Variants in LAMP5 observed in about 807,000 individuals in gnomAD.
LAMP5 encodes the protein lysosome associated membrane protein 5, also known as lysosome-associated membrane glycoprotein 5.
LAMP5 carries 36 observed loss-of-function variants against 30.2 expected under a neutral mutation model. The observed-to-expected ratio is 1.19, with a 90% CI of 0.91 to 1.57. The LOEUF (loss-of-function observed/expected upper bound fraction) is 1.57, where lower values mean the gene tolerates loss of function less well. Ranked by LOEUF, LAMP5 falls within the 40% of genes most tolerant of loss-of-function variation. The pLI, the probability that LAMP5 is intolerant of heterozygous loss-of-function variation, is 0.00. For synonymous variants in LAMP5, 149 were observed against 134.6 expected, an observed-to-expected ratio of 1.11 and a Z score of -0.74; for missense variants, 377 against 354.9, an observed-to-expected ratio of 1.06 and a Z score of -0.50.
chr20:9,521,923 C>G (rs993176770), intron 5 of LAMP5, among the ~76,000 whole-genome samples: 1 of 152,150 alleles, frequency 6.6e-6, no homozygotes, highest in African/African-American at 2.4e-5. Flanking sequence ...AGATTGGTCC[C>G]TTTTTAATTC....
In LAMP5 at chr20:9,514,779, CG is replaced by C; in HGVS notation, c.-72del. ...TCTCGCTCACCCCGGCCCACTCCAG[CG>C]GCGACTTTGAGGGATTCCCTCTCTG... On this transcript the variant is annotated 5_prime_UTR_variant, in exon 1 of 6. Transcript: ENST00000246070. 2 of 1,425,474 alleles carry C rather than the reference CG, an allele frequency of 1.4e-6. No individual in the cohort carries two copies. The highest frequency in any genetic ancestry group is 4.6e-5 in the East Asian group (2 of 43,116). The allele number at this position is 1,425,474 out of a possible 1,614,324, so 88.3% of individuals were successfully genotyped here.
Position 9,518,247 on chromosome 20 carries a change from G to A in LAMP5, c.664+19G>A, listed in dbSNP as rs1203738709. 1 of 1,611,200 alleles carries A rather than the reference G, an allele frequency of 6.2e-7. No homozygotes were observed. The highest frequency in any genetic ancestry group is 2.2e-5 in the East Asian group (1 of 44,840). On this transcript the variant is annotated intron_variant, in intron 5 of 5. Coordinates refer to ENST00000246070, the MANE Select transcript of LAMP5 (RefSeq NM_012261.4). ...AGTGAAGGTAAGTTGTTGGGGGATG[G>A]AGGGGAAGAAGACCTAGTTTATTTC...
In LAMP5 at chr20:9,530,461, A is replaced by T. The variant is rs1207936299; in HGVS notation, c.*641A>T. On this transcript the variant is annotated 3_prime_UTR_variant, in exon 6 of 6. Transcript: ENST00000246070. ...TCCTGTGCCAGGTCCAAGTCGGGGG[A>T]CCTGAAGAATCAATCTGTGTGAGTC... is the stretch of plus-strand genomic sequence containing the variant. The T allele has an allele frequency of 6.6e-6, 1 of 152,646 alleles. No homozygotes were observed. The highest frequency in any genetic ancestry group is 1.5e-5 in the Non-Finnish European group (1 of 68,040). The allele number at this position is 152,646 out of a possible 1,614,324, so 9.5% of individuals were successfully genotyped here. A position where few individuals can be genotyped will look rare whatever the true frequency, so the allele number is the denominator to read the frequency against.
In LAMP5 at chr20:9,515,623, G is replaced by C. The variant is rs1171815695; in HGVS notation, c.235G>C (p.Asp79His). The C allele has an allele frequency of 6.2e-7, 1 of 1,610,088 alleles. No homozygotes were observed. Among genetic ancestry groups the C allele is most frequent in the Non-Finnish European group, 8.5e-7 (1 of 1,178,974 alleles). ...TGATGTGTGGGCCAGCAACTACGTA[G>C]ATGTAAGGAATCTTTCCCCCCCCTC... The part of the protein sequence containing the change: ...PYDVWASNYV[D>H]LITEQADIAL... The change falls in exon 2 of 6, where the codon GAT (aspartate) becomes CAT (histidine). Residue 79 changes from aspartate to histidine, a missense_variant and splice_region_variant. Coordinates refer to ENST00000246070, the MANE Select transcript of LAMP5 (RefSeq NM_012261.4).
At chr20:9,525,874 A>G (rs1260570407) in intron 5 of LAMP5, among the ~76,000 whole-genome samples, 2 of 152,178 alleles carry the variant, frequency 1.3e-5, no homozygotes, top group African/African-American at 4.8e-5. Flanking sequence ...GCTCCCAGAC[A>G]CAGCTCTTTC....
chr20:9,525,822 C>A (rs977846265), intron 5 of LAMP5, among the ~76,000 whole-genome samples: 3 of 152,180 alleles, frequency 2.0e-5, no homozygotes, highest in African/African-American at 7.2e-5. Flanking sequence ...CACAGAACAC[C>A]ACCTGTCCAT....
intron 5 of LAMP5, among the ~76,000 whole-genome samples, chr20:9,527,749 CTGTT>C (rs768510113): frequency 6.6e-5 from 10 of 152,180 alleles, no homozygotes; most frequent in Middle Eastern, 3.2e-3. Flanking sequence ...GCCTGACAAA[CTGTT>C]TGACCACTAG....
At chr20:9,519,920 T>C (rs1434715865) in intron 5 of LAMP5, among the ~76,000 whole-genome samples, 1 of 152,242 alleles carries the variant, frequency 6.6e-6, no homozygotes, top group Non-Finnish European at 1.5e-5. Context: ...GCCTATGGCC[T>C]GAGAAATCAA....
chr20:9,515,760 T>A, intron 2 of LAMP5, 135 bp downstream of exon 2: 1 of 1,055,288 alleles, frequency 9.5e-7, no homozygotes, highest in Middle Eastern at 3.1e-4. Flanking sequence ...GAATGCTGCA[T>A]GGGGATTCCA....
At chr20:9,520,138 T>C (rs1292934163) in intron 5 of LAMP5, among the ~76,000 whole-genome samples, 1 of 152,228 alleles carries the variant, frequency 6.6e-6, no homozygotes, top group Admixed American at 6.5e-5. Flanking sequence ...TATAACTTCC[T>C]AAATGCAAAT....
rs2232265 is a variant in LAMP5, at chr20:9,516,188, G to A, written c.369+57G>A. The A allele has an allele frequency of 8.5e-4, 1,369 of 1,604,480 alleles. 10 individuals carry two copies. In the Middle Eastern group the frequency reaches 0.015, roughly 18 times the overall value. ...CAGGCTCCGCGTGGGTGTGGGAAGT[G>A]GCGGCCCCTAGGTTTAAGAACCCAG... On this transcript the variant is annotated intron_variant, in intron 3 of 5. Coordinates refer to ENST00000246070, the MANE Select transcript of LAMP5 (RefSeq NM_012261.4).
At chr20:9,520,482 CT>C (rs377025970) in intron 5 of LAMP5, among the ~76,000 whole-genome samples, 13 of 152,214 alleles carry the variant, frequency 8.5e-5, no homozygotes, top group African/African-American at 2.9e-4. Flanking sequence ...GCTCAGGGGC[CT>C]TTCGGTGTGT....
In LAMP5 at chr20:9,515,626, G is replaced by T; in HGVS notation, c.237+1G>T. The T allele has an allele frequency of 4.4e-6, 7 of 1,608,694 alleles. No homozygotes were observed. The highest frequency in any genetic ancestry group is 5.9e-6 in the Non-Finnish European group (7 of 1,178,312). ...TGTGTGGGCCAGCAACTACGTAGAT[G>T]TAAGGAATCTTTCCCCCCCCTCAGC... On this transcript the variant is annotated splice_donor_variant, in intron 2 of 5. Transcript: ENST00000246070. LOFTEE classifies it high-confidence loss of function.
In LAMP5 at chr20:9,521,287, G is replaced by C. The variant is rs919123763; in HGVS notation, c.664+3059G>C. On this transcript the variant is annotated intron_variant, in intron 5 of 5. Coordinates refer to ENST00000246070, the MANE Select transcript of LAMP5 (RefSeq NM_012261.4). ...GAGTCCATGGGTCCCAGAGCTTCTA[G>C]AGGCAGCAGTGCCTTGGAGCCTTAG... 4.6e-5 allele frequency among the ~76,000 whole-genome samples: 7 copies of C among 152,196 alleles called. No individual in the cohort carries two copies. In the East Asian group the frequency reaches 7.7e-4, roughly 17 times the overall value.
intron 5 of LAMP5, among the ~76,000 whole-genome samples, chr20:9,522,737 A>G (rs912802661): frequency 2.6e-5 from 4 of 152,174 alleles, no homozygotes. Context: ...GGGACTTCTG[A>G]CCTACTTTGT....
At chr20:9,529,495 G>A (rs1006022087) in intron 5 of LAMP5, 147 bp from the exon 6 acceptor site, 1 of 680,012 alleles carries the variant, frequency 1.5e-6, no homozygotes, top group Admixed American at 2.9e-5. Flanking sequence ...TTAACCTAGG[G>A]GTTGGTTAGG....
At chr20:9,524,300 C>T (rs993387796) in intron 5 of LAMP5, among the ~76,000 whole-genome samples, 1 of 151,882 alleles carries the variant, frequency 6.6e-6, no homozygotes, top group African/African-American at 2.4e-5. Context: ...TATACTTGCA[C>T]AAAAAAGATT....
chr20:9,529,488 AC>A (rs1320423347), intron 5 of LAMP5, among the ~76,000 whole-genome samples, 153 bp from the exon 6 acceptor site: 1 of 152,212 alleles, frequency 6.6e-6, no homozygotes, highest in Non-Finnish European at 1.5e-5. Context: ...TTAAGTGTTA[AC>A]CTAGGGGTTG....
intron 5 of LAMP5, among the ~76,000 whole-genome samples, chr20:9,521,484 A>T (rs1389008712): frequency 6.6e-6 from 1 of 152,234 alleles, no homozygotes; most frequent in African/African-American, 2.4e-5. Context: ...TTGAGCTAAC[A>T]GTCTCAGCCT....
Sources: gnomAD v4.1 joint callset for allele counts (sites outside exome capture counted in the v4.1 genomes callset) on GRCh38, gnomAD v4.1.1 for gene constraint, MANE v1.5 for transcripts, NCBI Gene and HGNC (gene_info 2026-07-23, HGNC 2026-07-21) for gene names.